The following RELN variants were observed in gnomAD, a reference collection of about 807,000 sequenced individuals.
The protein encoded by RELN is reelin.
Under a neutral mutation model 427.6 loss-of-function variants are expected in RELN, and 108 were observed. That is an observed-to-expected ratio of 0.25 (90% confidence interval 0.22 to 0.30). The LOEUF (loss-of-function observed/expected upper bound fraction) is 0.30, where lower values mean the gene tolerates loss of function less well. Ranked by LOEUF, RELN falls within the 10% of genes least tolerant of loss-of-function variation. The pLI, the probability that RELN is intolerant of heterozygous loss-of-function variation, is 1.00. For missense variants in RELN, 3,715 were observed against 4,302.8 expected (o/e 0.86, Z 3.82); for synonymous variants, 1,524 against 1,513.4 (o/e 1.01, Z -0.16).
chr7:103,724,287 T>A (rs1790149536), intron 7 of RELN, among the ~76,000 whole-genome samples: 1 of 152,144 alleles, frequency 6.6e-6, no homozygotes. Flanking sequence ...TTAGCCCTTA[T>A]ATGACAGAGT....
chr7:103,689,058 T>G (rs2115732726), intron 10 of RELN, among the ~76,000 whole-genome samples: 1 of 152,242 alleles, frequency 6.6e-6, no homozygotes, highest in African/African-American at 2.4e-5. Flanking sequence ...GATATTAGTT[T>G]GCAAAATTTA....
At chr7:103,929,373 AAAG>A (rs1056598570) in intron 1 of RELN, among the ~76,000 whole-genome samples, 2 of 152,150 alleles carry the variant, frequency 1.3e-5, no homozygotes, top group Non-Finnish European at 2.9e-5. Flanking sequence ...AACCTTGGTG[AAAG>A]AAGGTGAATA....
intron 3 of RELN, among the ~76,000 whole-genome samples, chr7:103,801,541 G>C (rs568739702): frequency 1.3e-5 from 2 of 148,840 alleles, no homozygotes; most frequent in South Asian, 4.3e-4. Flanking sequence ...GAGAACACAT[G>C]AACACAGGGT....
At chr7:103,518,232 A>G (rs1747038573) in intron 49 of RELN, among the ~76,000 whole-genome samples, 1 of 151,746 alleles carries the variant, frequency 6.6e-6, no homozygotes, top group South Asian at 2.1e-4. Flanking sequence ...TAACTGATAT[A>G]TTGAATTTAA....
chr7:103,860,569 C>T (rs1285288431), intron 2 of RELN, among the ~76,000 whole-genome samples: 1 of 152,100 alleles, frequency 6.6e-6, no homozygotes, highest in East Asian at 1.9e-4. Flanking sequence ...CTCACTGCAA[C>T]TCTGTGAAAT....
intron 51 of RELN, among the ~76,000 whole-genome samples, chr7:103,510,419 T>C (rs549009078): frequency 1.3e-5 from 2 of 152,216 alleles, no homozygotes; most frequent in East Asian, 3.9e-4. Flanking sequence ...TTCTCACTCA[T>C]AGGTGGGAGT....
chr7:103,667,862 CCAAA>C (rs1426753340), intron 11 of RELN, among the ~76,000 whole-genome samples: 2 of 152,156 alleles, frequency 1.3e-5, no homozygotes, highest in Non-Finnish European at 2.9e-5. Flanking sequence ...TTTAGGAACA[CCAAA>C]CAAATAGCAT....
intron 2 of RELN, among the ~76,000 whole-genome samples, chr7:103,913,273 A>G (rs943101286): frequency 6.6e-6 from 1 of 152,196 alleles, no homozygotes; most frequent in South Asian, 2.1e-4. Flanking sequence ...TAGTGTAATT[A>G]GTACAATTAA....
chr7:103,538,982 A>G, intron 45 of RELN, 96 bp downstream of exon 45: 1 of 1,360,580 alleles, frequency 7.3e-7, no homozygotes, highest in Non-Finnish European at 1.0e-6. Flanking sequence ...TTTTATTTAC[A>G]GACCTATCAG....
intron 20 of RELN, among the ~76,000 whole-genome samples, chr7:103,613,094 A>G (rs1205271310): frequency 1.3e-5 from 2 of 152,188 alleles, no homozygotes; most frequent in African/African-American, 2.4e-5. Flanking sequence ...CAATACCCAC[A>G]TTACTTTCCT....
chr7:103,943,131 T>C (rs1796149555), intron 1 of RELN, among the ~76,000 whole-genome samples: 1 of 152,194 alleles, frequency 6.6e-6, no homozygotes. Flanking sequence ...AATAATGTGA[T>C]GGGATAAGAA....
At chr7:103,760,875 G>C (rs1791281575) in intron 4 of RELN, among the ~76,000 whole-genome samples, 1 of 145,350 alleles carries the variant, frequency 6.9e-6, no homozygotes, top group South Asian at 2.2e-4. Context: ...TATGAACCTA[G>C]ACTTTCATCT....
intron 6 of RELN, among the ~76,000 whole-genome samples, chr7:103,738,956 C>T (rs1790567496): frequency 6.6e-6 from 1 of 152,106 alleles, no homozygotes; most frequent in South Asian, 2.1e-4. Context: ...GTTCAGATTA[C>T]AGGCGTGAGC....
intron 2 of RELN, among the ~76,000 whole-genome samples, chr7:103,846,805 C>A (rs1312205293): frequency 6.6e-6 from 1 of 151,890 alleles, no homozygotes; most frequent in Non-Finnish European, 1.5e-5. Flanking sequence ...ATGTGGTCAA[C>A]AAATATAAAT....
chr7:103,924,505 G>A (rs1416203803), intron 1 of RELN, among the ~76,000 whole-genome samples: 1 of 152,170 alleles, frequency 6.6e-6, no homozygotes, highest in Non-Finnish European at 1.5e-5. Context: ...CCTGCAAGGA[G>A]AGGAAAAACT....
intron 3 of RELN, among the ~76,000 whole-genome samples, chr7:103,796,125 A>T (rs1792292544): frequency 6.6e-6 from 1 of 152,220 alleles, no homozygotes; most frequent in African/African-American, 2.4e-5. Context: ...AGTTATATGC[A>T]GTAAATTATT....
Position 103,679,136 on chromosome 7 carries a change from AG to A in RELN, c.1289+2979del, listed in dbSNP as rs1833601225. ...GACCAACAAAGCAACATTTGGGACC[AG>A]GGGGGAGGGCGGGCCCCCCAACCCC... On this transcript the variant is annotated intron_variant, in intron 11 of 64. Coordinates refer to ENST00000428762, the MANE Select transcript of RELN (RefSeq NM_005045.4). Among the ~76,000 whole-genome samples, 3 of 151,976 alleles carry A rather than the reference AG, an allele frequency of 2.0e-5. No individual in the cohort carries two copies. The South Asian group carries it at 6.2e-4, about 32-fold the overall frequency.
chr7:103,900,137 A>G (rs891032843), intron 2 of RELN, among the ~76,000 whole-genome samples: 1 of 152,196 alleles, frequency 6.6e-6, no homozygotes, highest in African/African-American at 2.4e-5. Context: ...AATCACAAGC[A>G]TTTCTATAAA....
intron 1 of RELN, among the ~76,000 whole-genome samples, chr7:103,924,209 C>A (rs1447505437): frequency 2.0e-5 from 3 of 152,120 alleles, no homozygotes; most frequent in African/African-American, 7.2e-5. Context: ...GTATCCCCAG[C>A]AGGCTGCTCT....
Sources: gnomAD v4.1 joint callset for allele counts (sites outside exome capture counted in the v4.1 genomes callset) on GRCh38, gnomAD v4.1.1 for gene constraint, MANE v1.5 for transcripts, NCBI Gene and HGNC (gene_info 2026-07-23, HGNC 2026-07-21) for gene names.